Variants in CDK14 observed in about 807,000 individuals in gnomAD.
CDK14 encodes cyclin dependent kinase 14.
A neutral mutation model predicts 60.7 loss-of-function variants in CDK14; 34 were observed. That is an observed-to-expected ratio of 0.56 (90% confidence interval 0.43 to 0.75). The LOEUF is 0.75. CDK14 is among the 30% of genes least tolerant of loss of function. The pLI is 0.00. For missense variants in CDK14, 482 were observed against 564.1 expected (o/e 0.85, Z 1.47); for synonymous variants, 197 against 203.7 (o/e 0.97, Z 0.28).
chr7:91,084,523 G>T (rs555335374), intron 12 of CDK14, among the ~76,000 whole-genome samples: 18 of 152,340 alleles, frequency 1.2e-4, no homozygotes, highest in African/African-American at 4.3e-4. Context: ...AGTGAGGTTT[G>T]TCACCTCTTC....
At chr7:91,028,298 C>CA (rs1562874418) in intron 10 of CDK14, among the ~76,000 whole-genome samples, 4 of 151,684 alleles carry the variant, frequency 2.6e-5, no homozygotes, top group African/African-American at 9.7e-5. Context: ...ACACACACAC[C>CA]CCCCACATTT....
At chr7:91,142,988 G>T (rs73213022) in intron 14 of CDK14, among the ~76,000 whole-genome samples, 10,298 of 152,186 alleles carry the variant, frequency 0.068, 448 homozygotes, top group Non-Finnish European at 0.086. Flanking sequence ...CATAAGATAC[G>T]GATGATTCAC....
intron 10 of CDK14, among the ~76,000 whole-genome samples, chr7:90,995,735 G>A (rs1215419948): frequency 6.6e-6 from 1 of 151,928 alleles, no homozygotes; most frequent in South Asian, 2.1e-4. Flanking sequence ...AGAATACTCT[G>A]TTTTGTCTTT....
intron 2 of CDK14, among the ~76,000 whole-genome samples, chr7:90,659,461 A>G (rs1211710338): frequency 6.6e-6 from 1 of 152,182 alleles, no homozygotes; most frequent in East Asian, 1.9e-4. Context: ...CAATAAATAT[A>G]CGTTTCTTGC....
chr7:91,018,079 A>C (rs1584235938), intron 10 of CDK14, among the ~76,000 whole-genome samples: 1 of 152,250 alleles, frequency 6.6e-6, no homozygotes, highest in Non-Finnish European at 1.5e-5. Context: ...AAGTACATAC[A>C]TACTGGATAA....
intron 2 of CDK14, among the ~76,000 whole-genome samples, chr7:90,644,818 T>G (rs1032327152): frequency 3.9e-5 from 6 of 152,156 alleles, no homozygotes; most frequent in African/African-American, 1.4e-4. Context: ...CATACTTAAA[T>G]GTTGATGAGC....
chr7:91,153,274 C>T (rs1167092273), intron 14 of CDK14, among the ~76,000 whole-genome samples: 1 of 152,136 alleles, frequency 6.6e-6, no homozygotes, highest in Non-Finnish European at 1.5e-5. Context: ...AGAAGGAATG[C>T]TTGTACAGTG....
intron 8 of CDK14, among the ~76,000 whole-genome samples, chr7:90,936,394 C>T (rs1420186164): frequency 6.6e-6 from 1 of 152,304 alleles, no homozygotes; most frequent in East Asian, 1.9e-4. Context: ...CTAGTAACAT[C>T]ATATTCTAAC....
intron 2 of CDK14, among the ~76,000 whole-genome samples, chr7:90,634,219 T>C (rs1482616058): frequency 6.6e-6 from 1 of 151,856 alleles, no homozygotes; most frequent in African/African-American, 2.4e-5. Flanking sequence ...TGTGCCATGT[T>C]GGGGTGCTGC....
chr7:90,985,722 C>G (rs1362577133), intron 10 of CDK14, among the ~76,000 whole-genome samples: 1 of 152,098 alleles, frequency 6.6e-6, no homozygotes, highest in East Asian at 1.9e-4. Context: ...TGTGATTCCT[C>G]TATGCAGTAG....
intron 10 of CDK14, among the ~76,000 whole-genome samples, chr7:90,999,564 G>A (rs1234312250): frequency 6.6e-6 from 1 of 152,144 alleles, no homozygotes; most frequent in Non-Finnish European, 1.5e-5. Flanking sequence ...ACTCCAGCCT[G>A]GGTGACAGAG....
rs142277999 is a variant in CDK14 at position 90,998,352 on chromosome 7, G to T, written c.1041+14111G>T. 5.2e-3 allele frequency among the ~76,000 whole-genome samples: 790 copies of T among 152,262 alleles called. 10 individuals are homozygous for T. The highest frequency in any genetic ancestry group is 0.018 in the African/African-American group (758 of 41,556). On this transcript the variant is annotated intron_variant, in intron 10 of 14. Transcript: ENST00000380050. ...ATACATGATTTAAAAAAAGGATGTTGTGGATGAATAAAAACAGAATACTGT... is the reference window on the plus strand; with the variant it reads ...ATACATGATTTAAAAAAAGGATGTTTTGGATGAATAAAAACAGAATACTGT...
chr7:90,953,238 T>C (rs1794314317), intron 8 of CDK14, among the ~76,000 whole-genome samples: 1 of 152,188 alleles, frequency 6.6e-6, no homozygotes, highest in Non-Finnish European at 1.5e-5. Context: ...TCTCAAGCAA[T>C]GTAGAATAAT....
intron 10 of CDK14, among the ~76,000 whole-genome samples, chr7:91,037,680 C>A (rs1584255282): frequency 6.6e-6 from 1 of 152,094 alleles, no homozygotes; most frequent in Non-Finnish European, 1.5e-5. Flanking sequence ...ACCAGTTTGT[C>A]AGTAAACTGG....
chr7:91,097,318 T>C lies in CDK14; in HGVS notation c.1155-15224T>C, dbSNP rs191036894. Among the ~76,000 whole-genome samples the C allele has an allele frequency of 4.1e-3, 624 of 151,820 alleles. 7 individuals carry two copies. The highest frequency in any genetic ancestry group is 4.6e-3 in the Non-Finnish European group (315 of 67,938). ...GTTGCTTGAACCCAGGAGGCAGAGA[T>C]TGTAGTGAGCCAAAATCGCACCATT... On this transcript the variant is annotated intron_variant, in intron 12 of 14. Coordinates refer to ENST00000380050, the MANE Select transcript of CDK14 (RefSeq NM_001287135.2).
Position 90,824,991 on chromosome 7 carries a change from A to C in CDK14, c.544+34339A>C, listed in dbSNP as rs556876022. ...CGTAGTTTGTGGCTTTGGCTCAGAC[A>C]AGCAATTAAATTCTCCTCAGGAAAT... On this transcript the variant is annotated intron_variant, in intron 5 of 14. Transcript: ENST00000380050. Among the ~76,000 whole-genome samples the C allele has an allele frequency of 1.1e-4, 17 of 152,320 alleles. 1 individual carries two copies. In the South Asian group the frequency reaches 3.3e-3, roughly 30 times the overall value.
intron 6 of CDK14, among the ~76,000 whole-genome samples, chr7:90,894,172 A>G (rs1219056597): frequency 6.6e-6 from 1 of 152,180 alleles, no homozygotes; most frequent in African/African-American, 2.4e-5. Flanking sequence ...ATGTTCTGAA[A>G]CTGCTATGGA....
intron 12 of CDK14, among the ~76,000 whole-genome samples, chr7:91,105,296 C>T (rs1005073084): frequency 1.3e-5 from 2 of 152,166 alleles, no homozygotes; most frequent in Admixed American, 6.5e-5. Context: ...TTGAGATTCT[C>T]CACACAGAGT....
At chr7:91,118,888 A>G (rs138054951) in intron 14 of CDK14, among the ~76,000 whole-genome samples, 254 of 152,202 alleles carry the variant, frequency 1.7e-3, no homozygotes, top group African/African-American at 5.9e-3. Context: ...AAACTTGGCA[A>G]CCTCTAGCCA....
Sources: gnomAD v4.1 joint callset for allele counts (sites outside exome capture counted in the v4.1 genomes callset) on GRCh38, gnomAD v4.1.1 for gene constraint, MANE v1.5 for transcripts, NCBI Gene and HGNC (gene_info 2026-07-23, HGNC 2026-07-21) for gene names.